NXPE2: variants seen among roughly 807,000 people sequenced by gnomAD.
The protein encoded by NXPE2 is NXPE family member 2.
Under a neutral mutation model 34.4 loss-of-function variants are expected in NXPE2, and 34 were observed. The observed-to-expected ratio is 0.99, with a 90% confidence interval of 0.75 to 1.31. NXPE2 has a LOEUF of 1.31. Among genes scored for constraint, NXPE2 ranks in the 40% most tolerant of loss-of-function variants. NXPE2 has a pLI of 0.00. For missense variants in NXPE2, 649 were observed against 672.5 expected (o/e 0.97, Z 0.39); for synonymous variants, 235 against 231.3 (o/e 1.02, Z -0.15).
chr11:114,625,556 G>T, the NXPE2 span, among the ~76,000 whole-genome samples: 8 of 151,856 alleles, frequency 5.3e-5, no homozygotes, highest in African/African-American at 1.9e-4. Flanking sequence ...CTGTTACCCG[G>T]TGGATAATAA....
At chr11:114,742,259 G>C in the NXPE2 span, among the ~76,000 whole-genome samples, 1 of 152,108 alleles carries the variant, frequency 6.6e-6, no homozygotes, top group Non-Finnish European at 1.5e-5. Context: ...GAGTGCTCCT[G>C]GGCTAGTTGT....
chr11:114,639,239 G>C, the NXPE2 span, among the ~76,000 whole-genome samples: 1 of 151,720 alleles, frequency 6.6e-6, no homozygotes, highest in Non-Finnish European at 1.5e-5. Context: ...CGAGCAATCA[G>C]CGAGACTCTG....
chr11:114,704,034 G>A lies in NXPE2; in HGVS notation c.910G>A (p.Glu304Lys). Reference sequence around the variant, plus strand: ...AATGATGAAGAACTTTACCCCCATTGAGGTCATACCATGCAACAGTAAGTC... The same window carrying A: ...AATGATGAAGAACTTTACCCCCATTAAGGTCATACCATGCAACAGTAAGTC... ...VEMMKNFTPI[E>K]VIPCNKSENI... Residue 304 changes from glutamate (E) to lysine (K), a missense_variant, in exon 4 of 6, where the codon GAG (glutamate) becomes AAG (lysine). Glu to Lys is a moderately conservative substitution (Grantham distance 56, BLOSUM62 1). Coordinates refer to ENST00000389586, the MANE Select transcript of NXPE2 (RefSeq NM_182495.6). 6.4e-7 allele frequency: 1 copy of A among 1,551,666 alleles called. No homozygotes were observed. The highest frequency in any genetic ancestry group is 1.2e-5 in the South Asian group (1 of 84,034).
the NXPE2 span, among the ~76,000 whole-genome samples, chr11:114,649,994 T>C: frequency 1.3e-5 from 2 of 152,214 alleles, no homozygotes; most frequent in South Asian, 4.1e-4. Flanking sequence ...TAGAGTTCTA[T>C]TTTAAAAGGT....
At chr11:114,591,212 T>C in the NXPE2 span, among the ~76,000 whole-genome samples, 1 of 152,214 alleles carries the variant, frequency 6.6e-6, no homozygotes, top group East Asian at 1.9e-4. Context: ...CTAGCTGAAC[T>C]GACAGCTCTT....
the NXPE2 span, among the ~76,000 whole-genome samples, chr11:114,631,946 G>A: frequency 6.6e-6 from 1 of 150,588 alleles, no homozygotes; most frequent in Non-Finnish European, 1.5e-5. Flanking sequence ...ATATTGCCTT[G>A]TAGGTAACTA....
the NXPE2 span, among the ~76,000 whole-genome samples, chr11:114,725,976 A>AAAAAATATATATATATATATATAT: frequency 1.6e-4 from 16 of 101,746 alleles, no homozygotes; most frequent in African/African-American, 2.7e-4. Context: ...ATAAAAAAAA[A>AAAAAATATATATATATATATATAT]ATATATATAT....
chr11:114,775,831 G>A, the NXPE2 span, among the ~76,000 whole-genome samples: 2 of 150,402 alleles, frequency 1.3e-5, no homozygotes, highest in East Asian at 3.9e-4. Flanking sequence ...TACTTGCTAA[G>A]AGGTAAAACT....
the NXPE2 span, among the ~76,000 whole-genome samples, chr11:114,625,429 C>G: frequency 2.0e-5 from 3 of 150,834 alleles, no homozygotes; most frequent in Non-Finnish European, 4.4e-5. Flanking sequence ...ACTTCTACCA[C>G]ATGGATAATA....
chr11:114,626,240 AAGAC>A, the NXPE2 span, among the ~76,000 whole-genome samples: 4 of 152,294 alleles, frequency 2.6e-5, no homozygotes, highest in African/African-American at 9.6e-5. Flanking sequence ...GACAAACAAA[AAGAC>A]AGCAGTAACC....
At chr11:114,537,425 G>A in the NXPE2 span, among the ~76,000 whole-genome samples, 3 of 152,090 alleles carry the variant, frequency 2.0e-5, no homozygotes, top group Non-Finnish European at 2.9e-5. Context: ...TGGAAGTTCT[G>A]GCCAAGAAAA....
At chr11:114,647,083 A>T in the NXPE2 span, among the ~76,000 whole-genome samples, 2 of 152,194 alleles carry the variant, frequency 1.3e-5, no homozygotes. Context: ...CTAAATCCAG[A>T]ATGAACCTTG....
chr11:114,772,864 G>C, the NXPE2 span, among the ~76,000 whole-genome samples: 1 of 152,150 alleles, frequency 6.6e-6, no homozygotes, highest in Non-Finnish European at 1.5e-5. Flanking sequence ...AATCGTCTCA[G>C]CATAGTCTGT....
chr11:114,793,392 C>G, the NXPE2 span, among the ~76,000 whole-genome samples: 1 of 152,114 alleles, frequency 6.6e-6, no homozygotes, highest in Non-Finnish European at 1.5e-5. Flanking sequence ...AGACAAGGCC[C>G]TTGTCCACAA....
chr11:114,692,256 G>C (rs1951167741), intron 2 of NXPE2, among the ~76,000 whole-genome samples: 1 of 152,234 alleles, frequency 6.6e-6, no homozygotes, highest in Non-Finnish European at 1.5e-5. Context: ...TCTCAGGCAA[G>C]TAGCATGGGC....
At chr11:114,523,066 G>C in the NXPE2 span, 12 of 1,613,212 alleles carry the variant, frequency 7.4e-6, no homozygotes, top group South Asian at 1.3e-4. Context: ...TTCCAACTTG[G>C]CATGTCTCTT....
At chr11:114,668,384 A>G in the NXPE2 span, among the ~76,000 whole-genome samples, 7 of 151,986 alleles carry the variant, frequency 4.6e-5, no homozygotes, top group Non-Finnish European at 5.9e-5. Flanking sequence ...CTATGAGATA[A>G]TAAATGTTTA....
the NXPE2 span, chr11:114,529,913 A>G: frequency 4.7e-6 from 2 of 426,166 alleles, no homozygotes; most frequent in Non-Finnish European, 8.3e-6. Flanking sequence ...TCATACACTT[A>G]TCAAGGAATC....
the NXPE2 span, among the ~76,000 whole-genome samples, chr11:114,584,976 A>T: frequency 2.0e-5 from 3 of 152,070 alleles, no homozygotes; most frequent in Non-Finnish European, 4.4e-5. Flanking sequence ...CAAACAGAAG[A>T]CAAAATCCTG....
Sources: gnomAD v4.1 joint callset for allele counts (sites outside exome capture counted in the v4.1 genomes callset) on GRCh38, gnomAD v4.1.1 for gene constraint, MANE v1.5 for transcripts, NCBI Gene and HGNC (gene_info 2026-07-23, HGNC 2026-07-21) for gene names.